The following AGBL1 variants were observed in gnomAD, a reference collection of about 807,000 sequenced individuals.
AGBL1 encodes the protein cytosolic carboxypeptidase 4.
In AGBL1, 130 loss-of-function variants were observed where a neutral mutation model predicts 118.9. The ratio of observed to expected loss-of-function variants is 1.09; its 90% CI spans 0.95 to 1.26. The LOEUF (loss-of-function observed/expected upper bound fraction) is 1.26. Ranked by LOEUF, AGBL1 falls within the 50% of genes most tolerant of loss-of-function variation. AGBL1 has a pLI of 0.00. For synonymous variants in AGBL1, 555 were observed against 478.9 expected, an observed-to-expected ratio of 1.16 and a Z score of -2.08; for missense variants, 1,584 against 1,298.1, an observed-to-expected ratio of 1.22 and a Z score of -3.38.
At chr15:86,139,626 T>G (rs2076934893) in intron 1 of AGBL1, among the ~76,000 whole-genome samples, 1 of 152,154 alleles carries the variant, frequency 6.6e-6, no homozygotes, top group Non-Finnish European at 1.5e-5. Context: ...TGGGTAAGTG[T>G]CTAGGGATCC....
chr15:86,563,313 A>G (rs2083857282), intron 21 of AGBL1, among the ~76,000 whole-genome samples: 2 of 152,066 alleles, frequency 1.3e-5, no homozygotes, highest in Admixed American at 6.6e-5. Context: ...ACACTGCTTT[A>G]AATGTGTCCC....
intron 1 of AGBL1, chr15:86,140,263 T>TC (rs2076945390): frequency 6.6e-6 from 1 of 151,806 alleles, no homozygotes; most frequent in Non-Finnish European, 1.5e-5. Flanking sequence ...TTTTTTTTTT[T>TC]AATGCCCCTT....
chr15:86,727,501 T>C (rs2086838470), intron 22 of AGBL1, among the ~76,000 whole-genome samples: 1 of 152,174 alleles, frequency 6.6e-6, no homozygotes, highest in Non-Finnish European at 1.5e-5. Flanking sequence ...CCTTGCTGGA[T>C]AAAAGAAATG....
intron 1 of AGBL1, among the ~76,000 whole-genome samples, chr15:86,115,594 C>T (rs1897703307): frequency 6.6e-6 from 1 of 152,180 alleles, no homozygotes; most frequent in African/African-American, 2.4e-5. Context: ...ACCGCTTAGT[C>T]ACCTTCCAAC....
At chr15:86,925,125 A>G (rs867270031) in intron 23 of AGBL1, among the ~76,000 whole-genome samples, 1 of 42,668 alleles carries the variant, frequency 2.3e-5, no homozygotes, top group Non-Finnish European at 6.2e-5. Context: ...AAGAAGAAGA[A>G]GAGGAAGAGG....
intron 17 of AGBL1, among the ~76,000 whole-genome samples, chr15:86,362,768 C>T (rs2080824982): frequency 6.6e-6 from 1 of 152,180 alleles, no homozygotes; most frequent in South Asian, 2.1e-4. Context: ...CACAGAGCTA[C>T]TTCAAGATCT....
At chr15:86,630,328 C>G (rs1215643043) in intron 21 of AGBL1, 1 of 152,220 alleles carries the variant, frequency 6.6e-6, no homozygotes, top group Non-Finnish European at 1.5e-5. Flanking sequence ...CTGTGGAACT[C>G]AGCGTTGGTC....
At chr15:86,594,444 AT>A (rs537235581) in intron 21 of AGBL1, among the ~76,000 whole-genome samples, 6 of 152,160 alleles carry the variant, frequency 3.9e-5, no homozygotes, top group African/African-American at 1.4e-4. Flanking sequence ...CTTTTCTTCT[AT>A]TTTTTATTAA....
At chr15:87,018,481 C>G (rs549517113) in intron 24 of AGBL1, among the ~76,000 whole-genome samples, 1 of 152,094 alleles carries the variant, frequency 6.6e-6, no homozygotes, top group Middle Eastern at 3.4e-3. Context: ...AAAAAAATTT[C>G]CAACCCAGAA....
intron 21 of AGBL1, among the ~76,000 whole-genome samples, chr15:86,571,166 C>T (rs1202986502): frequency 6.6e-6 from 1 of 152,124 alleles, no homozygotes; most frequent in African/African-American, 2.4e-5. Flanking sequence ...CTGCTGGGGG[C>T]CCCAAAGATG....
intron 22 of AGBL1, among the ~76,000 whole-genome samples, chr15:86,777,247 G>C (rs112172612): frequency 2.0e-4 from 31 of 151,794 alleles, no homozygotes; most frequent in African/African-American, 7.0e-4. Flanking sequence ...TCCTATTCCT[G>C]CACCTGTACC....
chr15:86,268,507 C>G (rs1045843237), intron 13 of AGBL1, among the ~76,000 whole-genome samples: 2 of 152,178 alleles, frequency 1.3e-5, no homozygotes, highest in Non-Finnish European at 2.9e-5. Flanking sequence ...GTCTTTTTCT[C>G]TATACATTTC....
chr15:86,249,325 A>C (rs1470215431), intron 7 of AGBL1, among the ~76,000 whole-genome samples: 1 of 152,176 alleles, frequency 6.6e-6, no homozygotes, highest in Non-Finnish European at 1.5e-5. Context: ...CATCTGAGGT[A>C]ATGAAGCCAC....
intron 10 of AGBL1, among the ~76,000 whole-genome samples, 176 bp from the exon 11 acceptor site, chr15:86,264,081 AT>A (rs1337145453): frequency 1.3e-5 from 2 of 152,130 alleles, no homozygotes; most frequent in African/African-American, 2.4e-5. Flanking sequence ...ATGAGTTTCT[AT>A]GATTCTGTCA....
chr15:86,427,626 G>A (rs780131675), intron 18 of AGBL1, among the ~76,000 whole-genome samples: 3 of 150,970 alleles, frequency 2.0e-5, no homozygotes, highest in Non-Finnish European at 4.4e-5. Context: ...ACTATTTATA[G>A]TAGTTTTCAT....
intron 21 of AGBL1, among the ~76,000 whole-genome samples, chr15:86,672,933 A>T (rs12912140): frequency 0.36 from 54,429 of 152,052 alleles, 11,166 homozygotes; most frequent in Non-Finnish European, 0.47. Context: ...GCTTTTAGCC[A>T]GGAATTCTTT....
chr15:86,329,778 C>A (rs750230090), intron 17 of AGBL1, among the ~76,000 whole-genome samples: 1 of 152,146 alleles, frequency 6.6e-6, no homozygotes, highest in Admixed American at 6.5e-5. Context: ...TGCTTCATGC[C>A]CAGGCAGATC....
At chr15:86,561,387 T>A (rs556513241) in intron 21 of AGBL1, among the ~76,000 whole-genome samples, 2 of 152,360 alleles carry the variant, frequency 1.3e-5, no homozygotes, top group African/African-American at 2.4e-5. Flanking sequence ...GCTAGCCAGT[T>A]TTCCCAGCAC....
Position 86,860,220 on chromosome 15 carries a change from A to G in AGBL1, c.3159-46867A>G, listed in dbSNP as rs1424981362. Among the ~76,000 whole-genome samples the G allele has an allele frequency of 7.9e-5, 12 of 152,134 alleles. No homozygotes were observed. In the East Asian group the frequency reaches 1.7e-3, roughly 22 times the overall value. The stretch of plus-strand genomic sequence containing the variant: ...AGGGCAATGAAGCCTCCCCTGTACC[A>G]TGTTTTAGGATTACAGGAGATGACG... On this transcript the variant is annotated intron_variant, in intron 22 of 22. Coordinates refer to ENST00000614907, the MANE Select transcript of AGBL1 (RefSeq NM_001386094.1).
Sources: gnomAD v4.1 joint callset for allele counts (sites outside exome capture counted in the v4.1 genomes callset) on GRCh38, gnomAD v4.1.1 for gene constraint, MANE v1.5 for transcripts, NCBI Gene and HGNC (gene_info 2026-07-23, HGNC 2026-07-21) for gene names.